Variants in SOX6 observed in about 807,000 individuals in gnomAD.
SOX6 encodes SRY-box transcription factor 6, also known as transcription factor SOX-6.
SOX6 carries 11 observed loss-of-function variants against 97.8 expected under a neutral mutation model. That is an observed-to-expected ratio of 0.11 (90% CI 0.07 to 0.19). SOX6 has a LOEUF of 0.19. Ranked by LOEUF, SOX6 falls within the 10% of genes least tolerant of loss-of-function variation. The pLI, the probability that SOX6 is intolerant of heterozygous loss-of-function variation, is 1.00. For synonymous variants in SOX6, 360 were observed against 371.4 expected, an observed-to-expected ratio of 0.97 and a Z score of 0.35; for missense variants, 810 against 1,039.5, an observed-to-expected ratio of 0.78 and a Z score of 3.04.
At chr11:16,113,990 A>C (rs947320943) in intron 6 of SOX6, among the ~76,000 whole-genome samples, 4 of 152,212 alleles carry the variant, frequency 2.6e-5, no homozygotes, top group Non-Finnish European at 5.9e-5. Flanking sequence ...TTCTAGTAAT[A>C]AACTATTCTA....
At chr11:16,297,590 C>T (rs950346205) in intron 3 of SOX6, among the ~76,000 whole-genome samples, 1 of 152,142 alleles carries the variant, frequency 6.6e-6, no homozygotes, top group African/African-American at 2.4e-5. Flanking sequence ...AGTTCCAGCT[C>T]CTGTCTTTTC....
At chr11:16,600,440 C>T (rs994003107) in intron 4 of SOX6, among the ~76,000 whole-genome samples, 2 of 152,134 alleles carry the variant, frequency 1.3e-5, no homozygotes, top group African/African-American at 2.4e-5. Context: ...GGAACTGAAT[C>T]GATACTGCTT....
intron 3 of SOX6, among the ~76,000 whole-genome samples, chr11:16,252,072 C>T (rs1377512456): frequency 6.6e-6 from 1 of 152,082 alleles, no homozygotes; most frequent in Non-Finnish European, 1.5e-5. Context: ...ACAATGAATG[C>T]TTTCGTCTGA....
chr11:16,298,096 G>A (rs746129596), intron 3 of SOX6, among the ~76,000 whole-genome samples: 4 of 152,102 alleles, frequency 2.6e-5, no homozygotes, highest in African/African-American at 9.7e-5. Flanking sequence ...AACCCTTTGC[G>A]TCTTATTTTA....
At chr11:16,518,350 G>A (rs1341818106) in intron 4 of SOX6, among the ~76,000 whole-genome samples, 3 of 152,096 alleles carry the variant, frequency 2.0e-5, no homozygotes, top group South Asian at 2.1e-4. Flanking sequence ...CTTCCTCCAC[G>A]AAGCCCTCCT....
chr11:16,070,650 C>A (rs1367188656), intron 9 of SOX6, among the ~76,000 whole-genome samples: 9 of 152,106 alleles, frequency 5.9e-5, no homozygotes, highest in African/African-American at 1.9e-4. Context: ...GAAACCACGT[C>A]AGTATCCATT....
intron 7 of SOX6, among the ~76,000 whole-genome samples, chr11:16,106,742 T>C (rs1250986246): frequency 6.6e-6 from 1 of 151,938 alleles, no homozygotes; most frequent in East Asian, 1.9e-4. Context: ...AATGGATAAA[T>C]TGGACTCCAT....
intron 3 of SOX6, among the ~76,000 whole-genome samples, chr11:16,642,391 T>C (rs1848932225): frequency 6.6e-6 from 1 of 152,142 alleles, no homozygotes; most frequent in Admixed American, 6.5e-5. Flanking sequence ...GACAATTATG[T>C]GTCTTGGAGT....
Position 16,105,642 on chromosome 11 carries a change from C to T in SOX6, c.898+6161G>A, listed in dbSNP as rs71482998. ...AGACTGAAAGCTTTCCCCTTAAGAT[C>T]GAGAACAAGACAATAATGTTCACTT... On this transcript the variant is annotated intron_variant, in intron 7 of 15. Coordinates refer to ENST00000683767, the MANE Select transcript of SOX6 (RefSeq NM_001367873.1). Among the ~76,000 whole-genome samples, 913 of 152,170 alleles carry T rather than the reference C, an allele frequency of 6.0e-3. 5 individuals are homozygous for T. The highest frequency in any genetic ancestry group is 8.2e-3 in the Non-Finnish European group (555 of 67,990).
intron 4 of SOX6, among the ~76,000 whole-genome samples, chr11:16,541,330 A>G (rs1367900462): frequency 6.6e-6 from 1 of 152,026 alleles, no homozygotes; most frequent in Admixed American, 6.5e-5. Flanking sequence ...CTCAAGATGG[A>G]TTAAAGACTT....
chr11:16,519,608 G>A (rs561945137), intron 4 of SOX6, among the ~76,000 whole-genome samples: 35 of 152,010 alleles, frequency 2.3e-4, no homozygotes, highest in Non-Finnish European at 4.7e-4. Context: ...AACCACTGAT[G>A]GACACTTAAG....
intron 6 of SOX6, among the ~76,000 whole-genome samples, chr11:16,117,233 G>T (rs1849370948): frequency 6.6e-6 from 1 of 151,990 alleles, no homozygotes; most frequent in Admixed American, 6.6e-5. Context: ...TGTGCCTGTA[G>T]TCCCAGCTGC....
chr11:16,604,929 C>A (rs907500096), intron 4 of SOX6, among the ~76,000 whole-genome samples: 1 of 152,180 alleles, frequency 6.6e-6, no homozygotes, highest in Admixed American at 6.5e-5. Flanking sequence ...GGAAGCAGCC[C>A]GGCACCGAGC....
intron 9 of SOX6, among the ~76,000 whole-genome samples, chr11:16,088,371 TA>T (rs981162589): frequency 6.6e-6 from 1 of 152,164 alleles, no homozygotes; most frequent in African/African-American, 2.4e-5. Context: ...GACAAATATA[TA>T]ATGACATGTA....
In SOX6 at chr11:16,368,039, C is replaced by T. The variant is rs1267930609; in HGVS notation, c.-4-26787G>A. Among the ~76,000 whole-genome samples the T allele has an allele frequency of 2.6e-5, 4 of 152,208 alleles. No individual in the cohort carries two copies. The East Asian group carries it at 7.7e-4, about 29-fold the overall frequency. On this transcript the variant is annotated intron_variant, in intron 1 of 15. Transcript: ENST00000396356. ...CTGCATGTCTTTTCACTTAAAGTCG[C>T]GGCTTCCATGAACCTATTGATGATG... is the stretch of plus-strand genomic sequence containing the variant.
chr11:16,318,507 G>C lies in SOX6; in HGVS notation c.384C>G (p.Ala128=). 6.2e-7 allele frequency: 1 copy of C among 1,613,410 alleles called. No individual in the cohort carries two copies. The highest frequency in any genetic ancestry group is 8.5e-7 in the Non-Finnish European group (1 of 1,179,754). ...TCTGTTTCAGTGTGTCCACCACATC[G>C]GCAAGACTCCCTTTGCGGCGCTCTG... is the stretch of plus-strand genomic sequence containing the variant. ...GTPERRKGSL[A]DVVDTLKQKK... is the part of the protein sequence containing the mutation. Residue 128 remains alanine, a synonymous_variant, in exon 3 of 16, where the codon GCC becomes GCG. Coordinates refer to ENST00000683767, the MANE Select transcript of SOX6 (RefSeq NM_001367873.1).
chr11:16,731,152 C>A lies in SOX6; in HGVS notation n.353+5187G>T, dbSNP rs180938757. 8.2e-4 allele frequency among the ~76,000 whole-genome samples: 124 copies of A among 152,144 alleles called. 2 individuals carry two copies. The highest frequency in any genetic ancestry group is 3.0e-3 in the African/African-American group (123 of 41,518). On this transcript the variant is annotated intron_variant and non_coding_transcript_variant, in intron 2 of 5. Coordinates refer to the SOX6 transcript ENST00000524520. ...GCCCAGGACCAGACAGATTCACAGCCGAATTCTACCAGAGATACAAAGGGG... is the reference window on the plus strand; with the variant it reads ...GCCCAGGACCAGACAGATTCACAGCAGAATTCTACCAGAGATACAAAGGGG...
intron 3 of SOX6, among the ~76,000 whole-genome samples, chr11:16,629,980 CT>C (rs897419968): frequency 2.6e-5 from 4 of 151,844 alleles, no homozygotes; most frequent in African/African-American, 7.3e-5. Flanking sequence ...TTATGTGAAT[CT>C]TTTTTTTCTT....
chr11:16,447,917 C>G (rs1859645474), intron 1 of SOX6, among the ~76,000 whole-genome samples: 1 of 152,176 alleles, frequency 6.6e-6, no homozygotes, highest in South Asian at 2.1e-4. Flanking sequence ...GGTCAGCTGT[C>G]AGCCAAAGAC....
Sources: gnomAD v4.1 joint callset for allele counts (sites outside exome capture counted in the v4.1 genomes callset) on GRCh38, gnomAD v4.1.1 for gene constraint, MANE v1.5 for transcripts, NCBI Gene and HGNC (gene_info 2026-07-23, HGNC 2026-07-21) for gene names.